PRKN: variants seen among roughly 807,000 people sequenced by gnomAD.
PRKN encodes parkin RBR E3 ubiquitin protein ligase.
Under a neutral mutation model 59.5 loss-of-function variants are expected in PRKN, and 56 were observed. That is an observed-to-expected ratio of 0.94 (90% CI 0.76 to 1.18). PRKN has a LOEUF of 1.18. Ranked by LOEUF, PRKN falls within the 50% of genes most tolerant of loss-of-function variation. The pLI is 0.00. For missense variants in PRKN, 657 were observed against 596.4 expected (o/e 1.10, Z -1.06); for synonymous variants, 250 against 222.1 (o/e 1.13, Z -1.12).
rs1180636201 is a variant in PRKN, at chr6:162,390,396, T to TATATATATATATATATATATACAC, written c.171+52913_171+52914insGTGTATATATATATATATATATAT. Among the ~76,000 whole-genome samples, 313 of 83,914 alleles carry TATATATATATATATATATATACAC rather than the reference T, an allele frequency of 3.7e-3. 1 individual carries two copies. The highest frequency in any genetic ancestry group is 4.6e-3 in the South Asian group (13 of 2,830). 55.1% of individuals were successfully genotyped at this position (83,914 alleles called of 152,430 possible). A position where few individuals can be genotyped will look rare whatever the true frequency, so the allele number is the denominator to read the frequency against. On this transcript the variant is annotated intron_variant, in intron 2 of 11. Transcript: ENST00000366898. Reference sequence around the variant, plus strand: ...TAAGGTATATATATATATATATATATACACACACACACACACACACACACA... The same window carrying TATATATATATATATATATATACAC: ...TAAGGTATATATATATATATATATATATATATATATATATATATATACACACACACACACACACACACACACACA...
At chr6:162,431,130 T>C (rs941406946) in intron 2 of PRKN, among the ~76,000 whole-genome samples, 6 of 151,860 alleles carry the variant, frequency 4.0e-5, no homozygotes, top group African/African-American at 9.7e-5. Context: ...TTTGTATTTA[T>C]AGAGAGTCAG....
At chr6:161,629,895 A>C (rs534494324) in intron 7 of PRKN, among the ~76,000 whole-genome samples, 34 of 152,260 alleles carry the variant, frequency 2.2e-4, no homozygotes, top group African/African-American at 7.7e-4. Flanking sequence ...GCCCTTTCAA[A>C]GGCACTCTGC....
chr6:162,493,160 C>T (rs112644311), intron 1 of PRKN, among the ~76,000 whole-genome samples: 15 of 152,210 alleles, frequency 9.9e-5, no homozygotes, highest in Admixed American at 2.6e-4. Flanking sequence ...ACATTTCTAT[C>T]GCCAACCTGC....
Position 161,442,751 on chromosome 6 carries a change from C to T in PRKN, c.1084-55874G>A, listed in dbSNP as rs540227163. Among the ~76,000 whole-genome samples the T allele has an allele frequency of 2.0e-5, 3 of 152,194 alleles. No homozygotes were observed. Among genetic ancestry groups the T allele is most frequent in the African/African-American group, 7.2e-5 (3 of 41,442 alleles). On this transcript the variant is annotated intron_variant, in intron 9 of 11. Coordinates refer to ENST00000366898, the MANE Select transcript of PRKN (RefSeq NM_004562.3). The surrounding 1 kb of genome is among the most constrained non-coding windows in gnomAD (Gnocchi z 4.6). Reference sequence around the variant, plus strand: ...TTCAACGAAGTTGCTAGAATGCAGCCGTGGAGACGAACAGCTTACCGAGAG... The same window carrying T: ...TTCAACGAAGTTGCTAGAATGCAGCTGTGGAGACGAACAGCTTACCGAGAG...
chr6:161,631,651 G>A (rs538496243), intron 7 of PRKN, among the ~76,000 whole-genome samples: 1 of 152,234 alleles, frequency 6.6e-6, no homozygotes, highest in East Asian at 1.9e-4. Context: ...TCATTCAATG[G>A]GGAGATAAAA....
intron 6 of PRKN, among the ~76,000 whole-genome samples, chr6:161,853,407 G>A (rs1793515892): frequency 1.3e-5 from 2 of 152,136 alleles, no homozygotes; most frequent in Non-Finnish European, 2.9e-5. Flanking sequence ...GATAAGTTTT[G>A]AAAGACTGTA....
At chr6:162,417,204 A>G (rs1014569229) in intron 2 of PRKN, among the ~76,000 whole-genome samples, 1 of 152,200 alleles carries the variant, frequency 6.6e-6, no homozygotes, top group African/African-American at 2.4e-5. Flanking sequence ...CTACCTACCC[A>G]TCCTAGTAAA....
chr6:162,694,468 G>A (rs1006733246), intron 1 of PRKN, among the ~76,000 whole-genome samples: 2 of 152,040 alleles, frequency 1.3e-5, no homozygotes, highest in Admixed American at 1.3e-4. Context: ...CTGTCCATTT[G>A]CACAGGTGCT....
intron 2 of PRKN, among the ~76,000 whole-genome samples, chr6:162,429,939 T>G (rs933477841): frequency 6.6e-6 from 1 of 152,212 alleles, no homozygotes; most frequent in Middle Eastern, 3.2e-3. Context: ...GCCATTTGTT[T>G]AGTCACAGCA....
At chr6:162,720,839 T>C (rs1277849743) in intron 1 of PRKN, among the ~76,000 whole-genome samples, 1 of 152,184 alleles carries the variant, frequency 6.6e-6, no homozygotes, top group Non-Finnish European at 1.5e-5. Flanking sequence ...GGTGACACGA[T>C]ATCCACAGCT....
chr6:162,332,809 T>A (rs1783644491), intron 2 of PRKN, among the ~76,000 whole-genome samples: 1 of 152,042 alleles, frequency 6.6e-6, no homozygotes, highest in African/African-American at 2.4e-5. Context: ...TGTCACCTAC[T>A]ACAGTTCCAT....
intron 4 of PRKN, among the ~76,000 whole-genome samples, chr6:162,072,234 C>T (rs1447202877): frequency 1.3e-5 from 2 of 151,918 alleles, no homozygotes; most frequent in Non-Finnish European, 2.9e-5. Context: ...GTTGCAGTGA[C>T]CCAAGATCAC....
intron 9 of PRKN, among the ~76,000 whole-genome samples, chr6:161,505,318 G>A (rs993120031): frequency 8.6e-5 from 13 of 151,658 alleles, no homozygotes; most frequent in African/African-American, 3.2e-4. Flanking sequence ...CTGCATAAAT[G>A]TCTTCTTTTG....
At chr6:161,628,414 C>T (rs930523533) in intron 7 of PRKN, among the ~76,000 whole-genome samples, 3 of 152,188 alleles carry the variant, frequency 2.0e-5, no homozygotes, top group Non-Finnish European at 4.4e-5. Context: ...AGAGGGCTCT[C>T]TGAGTTCCCT....
chr6:162,115,613 CA>C, intron 4 of PRKN, among the ~76,000 whole-genome samples: 1 of 150,486 alleles, frequency 6.6e-6, no homozygotes, highest in East Asian at 2.0e-4. Flanking sequence ...TCTGAGAGAT[CA>C]CTTTGAGAGA....
intron 5 of PRKN, among the ~76,000 whole-genome samples, chr6:161,992,543 A>G (rs1781690749): frequency 6.6e-6 from 1 of 152,226 alleles, no homozygotes; most frequent in South Asian, 2.1e-4. Flanking sequence ...AGCACTGGAT[A>G]GATCTATGAG....
intron 4 of PRKN, among the ~76,000 whole-genome samples, chr6:162,176,053 C>A (rs1783517224): frequency 6.6e-6 from 1 of 152,190 alleles, no homozygotes; most frequent in Admixed American, 6.5e-5. Context: ...AGTTAGAACA[C>A]ATCTTTGCCA....
In PRKN at chr6:162,491,312, G is replaced by A. The variant is rs531243000; in HGVS notation, c.8-47839C>T. ...CCAACCAACCAAGGATGGCACCAGG[G>A]ACCACTTTGTAGGGTGTAAACAACA... On this transcript the variant is annotated intron_variant, in intron 1 of 11. Transcript: ENST00000366898. Among the ~76,000 whole-genome samples the A allele has an allele frequency of 1.1e-4, 16 of 151,698 alleles. No individual in the cohort carries two copies. In the East Asian group the frequency reaches 2.3e-3, roughly 22 times the overall value.
At chr6:161,590,366 G>A (rs1312204302) in intron 7 of PRKN, among the ~76,000 whole-genome samples, 2 of 151,878 alleles carry the variant, frequency 1.3e-5, no homozygotes, top group Non-Finnish European at 2.9e-5. Flanking sequence ...GGGAGGCCGA[G>A]GTGGGTGGAT....
Sources: allele counts gnomAD v4.1 joint callset (sites outside exome capture counted in the v4.1 genomes callset), GRCh38; gene constraint gnomAD v4.1.1; non-coding constraint Gnocchi (gnomAD v3.1); transcripts MANE v1.5; gene names NCBI Gene and HGNC (gene_info 2026-07-23, HGNC 2026-07-21).